The following TBCD variants were observed in gnomAD, a reference collection of about 807,000 sequenced individuals.
The protein encoded by TBCD is tubulin-specific chaperone D.
Under a neutral mutation model 169.3 loss-of-function variants are expected in TBCD, and 105 were observed. The observed-to-expected ratio is 0.62, with a 90% CI of 0.53 to 0.73. The LOEUF is 0.73. Ranked by LOEUF, TBCD falls within the 30% of genes least tolerant of loss-of-function variation. The pLI is 0.00. For missense variants in TBCD, 1,444 were observed against 1,600.1 expected (o/e 0.90, Z 1.66); for synonymous variants, 700 against 643.9 (o/e 1.09, Z -1.32).
At chr17:82,841,481 G>T (rs77397854) in intron 13 of TBCD, among the ~76,000 whole-genome samples, 1,537 of 152,084 alleles carry the variant, frequency 0.01, 25 homozygotes, top group African/African-American at 0.036. Context: ...TATGCCTGGA[G>T]AATTTTTTGT....
chr17:82,849,360 A>C (rs1289420610), intron 13 of TBCD, among the ~76,000 whole-genome samples: 1 of 151,588 alleles, frequency 6.6e-6, no homozygotes, highest in Non-Finnish European at 1.5e-5. Flanking sequence ...CTTCAGGGCC[A>C]CTGTTTCTCC....
In TBCD at chr17:82,942,753, G is replaced by A. The variant is rs536532753; in HGVS notation, c.*290G>A. On this transcript the variant is annotated 3_prime_UTR_variant, in exon 39 of 39. Coordinates refer to ENST00000355528, the MANE Select transcript of TBCD (RefSeq NM_005993.5). The stretch of plus-strand genomic sequence containing the variant: ...CTGATGTGTGTAGGGGTGATGGAAA[G>A]GCTCACTGCCCAGGGGTCAGCCAGA... 6 of 526,314 alleles carry A rather than the reference G, an allele frequency of 1.1e-5. No homozygotes were observed. In the South Asian group the frequency reaches 1.2e-4, roughly 11 times the overall value. 32.6% of individuals were successfully genotyped at this position (526,314 alleles called of 1,614,324 possible).
rs1054018673 is a variant in TBCD at position 82,889,912 on chromosome 17, C to T, written c.1563+215C>T. The stretch of plus-strand genomic sequence containing the variant: ...TGTACAGTAATTTACACACACAGGC[C>T]GGAAAGCTGTGCTTTACACGTTGCC... On this transcript the variant is annotated intron_variant, in intron 16 of 38. Transcript: ENST00000355528. The surrounding 1 kb of genome is among the most constrained non-coding windows in gnomAD (Gnocchi z 5.3). Among the ~76,000 whole-genome samples the T allele has an allele frequency of 6.6e-5, 10 of 152,180 alleles. No homozygotes were observed. The highest frequency in any genetic ancestry group is 2.6e-4 in the Admixed American group (4 of 15,278).
At position 82,795,689 on chromosome 17, in the gene TBCD, G is replaced by A. The variant is rs542737090; in HGVS notation, c.772-2068G>A. The A allele has an allele frequency of 1.3e-4, 109 of 825,314 alleles. 1 individual carries two copies. The African/African-American group carries it at 1.8e-3, about 14-fold the overall frequency. 51.1% of individuals were successfully genotyped at this position (825,314 alleles called of 1,614,324 possible). A position where few individuals can be genotyped will look rare whatever the true frequency, so the allele number is the denominator to read the frequency against. ...GCATCAGTGACAGCCGCACTCTTGC[G>A]TGGATCGATTCTGTGGCCTCGCAGG... On this transcript the variant is annotated intron_variant, in intron 7 of 38. Transcript: ENST00000355528.
rs535531370 is a variant in TBCD at position 82,795,678 on chromosome 17, C to T, written c.772-2079C>T. The T allele has an allele frequency of 1.3e-5, 11 of 875,896 alleles. No homozygotes were observed. The African/African-American group carries it at 1.3e-4, about 10-fold the overall frequency. 54.3% of individuals were successfully genotyped at this position (875,896 alleles called of 1,614,324 possible). A position where few individuals can be genotyped will look rare whatever the true frequency, so the allele number is the denominator to read the frequency against. The stretch of plus-strand genomic sequence containing the variant: ...CACAGCTGGTGGCATCAGTGACAGC[C>T]GCACTCTTGCGTGGATCGATTCTGT... On this transcript the variant is annotated intron_variant, in intron 7 of 38. Coordinates refer to ENST00000355528, the MANE Select transcript of TBCD (RefSeq NM_005993.5).
chr17:82,939,353 C>A lies in TBCD; in HGVS notation c.3370-14C>A, dbSNP rs930420438. The A allele has an allele frequency of 6.2e-7, 1 of 1,603,306 alleles. No individual in the cohort carries two copies. ...GCGCTTCCCTCCGGCAAATGCACTG[C>A]ATCCCTGTCCCAGATCCGGAAGACC... On this transcript the variant is annotated splice_polypyrimidine_tract_variant and intron_variant, in intron 36 of 38. Transcript: ENST00000355528.
chr17:82,758,949 A>G (rs1056896578), intron 2 of TBCD, among the ~76,000 whole-genome samples: 1 of 151,982 alleles, frequency 6.6e-6, no homozygotes, highest in Non-Finnish European at 1.5e-5. Context: ...GGTGTGAGCC[A>G]TTGTGCCCGG....
intron 13 of TBCD, among the ~76,000 whole-genome samples, chr17:82,827,223 G>A (rs1421542784): frequency 6.6e-6 from 1 of 152,240 alleles, no homozygotes; most frequent in Non-Finnish European, 1.5e-5. Flanking sequence ...TCACTGAGCA[G>A]CTTCAGTAGG....
chr17:82,792,471 A>G (rs1402513247), intron 7 of TBCD, among the ~76,000 whole-genome samples: 1 of 152,216 alleles, frequency 6.6e-6, no homozygotes, highest in Non-Finnish European at 1.5e-5. Context: ...GTAGGACTCT[A>G]GTGCGATACA....
At chr17:82,911,458 A>G (rs2060636530) in intron 22 of TBCD, among the ~76,000 whole-genome samples, 1 of 152,174 alleles carries the variant, frequency 6.6e-6, no homozygotes, top group African/African-American at 2.4e-5. Flanking sequence ...ATTAGTTTCT[A>G]TAAAGTAAGA....
intron 2 of TBCD, among the ~76,000 whole-genome samples, chr17:82,762,176 T>C (rs577052800): frequency 7.3e-5 from 11 of 151,140 alleles, no homozygotes; most frequent in African/African-American, 2.2e-4. Flanking sequence ...ATTAGCCCAG[T>C]GTGGCGGTGT....
chr17:82,778,782 C>T (rs2048758161), intron 6 of TBCD, among the ~76,000 whole-genome samples: 1 of 152,076 alleles, frequency 6.6e-6, no homozygotes, highest in Non-Finnish European at 1.5e-5. Context: ...CTGCCTCAGC[C>T]TCCTGAGTAG....
At chr17:82,876,921 A>G (rs1379614287) in intron 14 of TBCD, 4 of 984,208 alleles carry the variant, frequency 4.1e-6, no homozygotes, top group African/African-American at 1.7e-5. Context: ...AGCCGGTCTG[A>G]CTGCCTGAGC....
chr17:82,880,646 T>C lies in TBCD; in HGVS notation c.1476-3499T>C, dbSNP rs1005440136. Among the ~76,000 whole-genome samples the C allele has an allele frequency of 6.6e-6, 1 of 151,718 alleles. No individual in the cohort carries two copies. Among genetic ancestry groups the C allele is most frequent in the African/African-American group, 2.4e-5 (1 of 41,268 alleles). On this transcript the variant is annotated intron_variant, in intron 14 of 38. Coordinates refer to ENST00000355528, the MANE Select transcript of TBCD (RefSeq NM_005993.5). This position sits in a 1 kb window ranked among gnomAD's most constrained non-coding sequence, Gnocchi z 5.0. ...AGGTAGCGGGTGGGCCTCCGTGGTGTTGGGAGGTGCTGGGCCCGGAGGTAT... is the reference window on the plus strand; with the variant it reads ...AGGTAGCGGGTGGGCCTCCGTGGTGCTGGGAGGTGCTGGGCCCGGAGGTAT...
rs1005653035 is a variant in TBCD, at chr17:82,767,816, A to G, written c.436-604A>G. ...CAAAAAATACAAAAATTAGCCTAGC[A>G]TGGTGGCAAACGCCTGTAGTCCCAG... On this transcript the variant is annotated intron_variant, in intron 4 of 38. Transcript: ENST00000355528. Among the ~76,000 whole-genome samples the G allele has an allele frequency of 5.9e-5, 9 of 151,936 alleles. No homozygotes were observed. In the South Asian group the frequency reaches 1.5e-3, roughly 25 times the overall value.
intron 3 of TBCD, among the ~76,000 whole-genome samples, chr17:82,765,658 G>C (rs1475893522): frequency 6.6e-6 from 1 of 152,204 alleles, no homozygotes; most frequent in Non-Finnish European, 1.5e-5. Context: ...TCTCCGGAAG[G>C]CGTGGTATCA....
At chr17:82,862,241 T>C (rs901705854) in intron 13 of TBCD, among the ~76,000 whole-genome samples, 1 of 152,200 alleles carries the variant, frequency 6.6e-6, no homozygotes, top group Non-Finnish European at 1.5e-5. Context: ...AGGTCTTATA[T>C]TGTGGTGTGA....
At position 82,923,567 on chromosome 17, in the gene TBCD, G is replaced by A. The variant is rs2061544969; in HGVS notation, c.2179-85G>A. 11 of 1,161,928 alleles carry A rather than the reference G, an allele frequency of 9.5e-6. No individual in the cohort carries two copies. Among genetic ancestry groups the A allele is most frequent in the Middle Eastern group, 2.4e-4 (1 of 4,222 alleles). The allele number at this position is 1,161,928 out of a possible 1,614,324, so 72.0% of individuals were successfully genotyped here. ...GGTGTCCCTGGTCAGGTGCTTCTCCGACTTCAGAGTGACCTGCTCTGTCCC... is the reference window on the plus strand; with the variant it reads ...GGTGTCCCTGGTCAGGTGCTTCTCCAACTTCAGAGTGACCTGCTCTGTCCC... On this transcript the variant is annotated intron_variant, in intron 25 of 38. Transcript: ENST00000355528. This position sits in a 1 kb window ranked among gnomAD's most constrained non-coding sequence, Gnocchi z 4.6.
At position 82,943,250 on chromosome 17, in the gene TBCD, GCTACCTTTGTCTCTGTGT is replaced by G. The variant is rs2063456740; in HGVS notation, c.*790_*807del. ...TGGGTTTTTAGGCAAAGGGCAGGAG[GCTACCTTTGTCTCTGTGT>G]CTGAGCTCGTGCTGATCCATCCCAA... On this transcript the variant is annotated 3_prime_UTR_variant, in exon 39 of 39. Coordinates refer to ENST00000355528, the MANE Select transcript of TBCD (RefSeq NM_005993.5). 6.6e-6 allele frequency: 1 copy of G among 152,276 alleles called. No homozygotes were observed. Among genetic ancestry groups the G allele is most frequent in the African/African-American group, 2.4e-5 (1 of 41,448 alleles). The allele number at this position is 152,276 out of a possible 1,614,324, so 9.4% of individuals were successfully genotyped here.
Sources: allele counts gnomAD v4.1 joint callset (sites outside exome capture counted in the v4.1 genomes callset), GRCh38; gene constraint gnomAD v4.1.1; non-coding constraint Gnocchi (gnomAD v3.1); transcripts MANE v1.5; gene names NCBI Gene and HGNC (gene_info 2026-07-23, HGNC 2026-07-21).